Variants in SPOCK1 observed in about 807,000 individuals in gnomAD.
The protein encoded by SPOCK1 is SPARC (osteonectin), cwcv and kazal like domains proteoglycan 1, also known as testican-1.
A neutral mutation model predicts 55.3 loss-of-function variants in SPOCK1; 23 were observed. The ratio of observed to expected loss-of-function variants is 0.42; its 90% CI spans 0.30 to 0.59. The LOEUF is 0.59. Ranked by LOEUF, SPOCK1 falls within the 20% of genes least tolerant of loss-of-function variation. SPOCK1 has a pLI of 0.22. For missense variants in SPOCK1, 499 were observed against 552.5 expected (o/e 0.90, Z 0.97); for synonymous variants, 226 against 221.0 (o/e 1.02, Z -0.20).
At chr5:137,056,771 C>G (rs1344015016) in intron 6 of SPOCK1, among the ~76,000 whole-genome samples, 1 of 151,986 alleles carries the variant, frequency 6.6e-6, no homozygotes, top group African/African-American at 2.4e-5. Flanking sequence ...AAGCTTGGAC[C>G]AAACATAGTA....
chr5:137,112,070 G>A (rs1181497634), intron 5 of SPOCK1, among the ~76,000 whole-genome samples: 2 of 152,060 alleles, frequency 1.3e-5, no homozygotes, highest in African/African-American at 2.4e-5. Context: ...GCACAAGGCA[G>A]CATCACGACC....
At chr5:137,322,213 G>C (rs1349603796) in intron 2 of SPOCK1, among the ~76,000 whole-genome samples, 1 of 151,846 alleles carries the variant, frequency 6.6e-6, no homozygotes. Flanking sequence ...AAAACCTGTA[G>C]TCCCAGCTAC....
intron 2 of SPOCK1, among the ~76,000 whole-genome samples, chr5:137,454,166 T>C (rs1041681221): frequency 6.6e-6 from 1 of 152,178 alleles, no homozygotes; most frequent in Non-Finnish European, 1.5e-5. Flanking sequence ...TCTGTTAGTG[T>C]AGCCCAGCTC....
chr5:137,371,493 T>G (rs1051068271), intron 2 of SPOCK1, among the ~76,000 whole-genome samples: 1 of 152,190 alleles, frequency 6.6e-6, no homozygotes, highest in African/African-American at 2.4e-5. Context: ...CTCTGGGGAT[T>G]CTACAAAGCA....
intron 3 of SPOCK1, among the ~76,000 whole-genome samples, chr5:137,240,546 A>G (rs993619116): frequency 6.6e-6 from 1 of 152,184 alleles, no homozygotes; most frequent in Non-Finnish European, 1.5e-5. Flanking sequence ...TGCCACCTCC[A>G]ACACTGAGGA....
At chr5:137,419,259 G>C (rs542805393) in intron 2 of SPOCK1, among the ~76,000 whole-genome samples, 1 of 152,232 alleles carries the variant, frequency 6.6e-6, no homozygotes, top group East Asian at 1.9e-4. Flanking sequence ...TGTTCTTTTG[G>C]CTTAGGATTG....
At chr5:137,217,593 C>T (rs1190043210) in intron 3 of SPOCK1, among the ~76,000 whole-genome samples, 4 of 152,312 alleles carry the variant, frequency 2.6e-5, no homozygotes, top group South Asian at 2.1e-4. Context: ...ATCCAAATGT[C>T]GGTATCACAC....
rs190560240 is a variant in SPOCK1, at chr5:137,155,125, T to C, written c.233-14431A>G. On this transcript the variant is annotated intron_variant, in intron 3 of 10. Coordinates refer to ENST00000394945, the MANE Select transcript of SPOCK1 (RefSeq NM_004598.4). ...TTGATCTTTGCAAGTCCTCGGTAAG[T>C]GTTAGTTTCAACTCTTTCCCACATG... Among the ~76,000 whole-genome samples the C allele has an allele frequency of 3.4e-3, 521 of 152,294 alleles. 2 individuals are homozygous for C. The highest frequency in any genetic ancestry group is 7.5e-3 in the African/African-American group (311 of 41,570).
At chr5:137,276,704 T>C (rs972304023) in intron 2 of SPOCK1, among the ~76,000 whole-genome samples, 1 of 152,144 alleles carries the variant, frequency 6.6e-6, no homozygotes, top group Non-Finnish European at 1.5e-5. Flanking sequence ...GAAGGTGAAA[T>C]AGATAACTCC....
Position 136,992,566 on chromosome 5 carries a change from G to C in SPOCK1, c.624C>G (p.Ser208=). 6.2e-7 allele frequency: 1 copy of C among 1,613,882 alleles called. No homozygotes were observed. Among genetic ancestry groups the C allele is most frequent in the Non-Finnish European group, 8.5e-7 (1 of 1,179,872 alleles). The part of the protein sequence containing the change: ...CTDKELRNLA[S]RLKDWFGALH... ...GAGCTCCAAACCAATCCTTCAGCCG[G>C]GAGGCAAGGTTCCGCAACTCCTTGT... is the stretch of plus-strand genomic sequence containing the variant. The change falls in exon 7 of 11, where the codon TCC becomes TCG. Residue 208 remains serine (S), a synonymous_variant. Transcript: ENST00000394945.
chr5:137,117,261 G>A (rs748261319), intron 4 of SPOCK1, among the ~76,000 whole-genome samples: 2 of 152,176 alleles, frequency 1.3e-5, no homozygotes, highest in Non-Finnish European at 2.9e-5. Flanking sequence ...CTATAGGACT[G>A]GACAATTATT....
At chr5:137,447,176 T>C (rs1753146790) in intron 2 of SPOCK1, among the ~76,000 whole-genome samples, 1 of 152,244 alleles carries the variant, frequency 6.6e-6, no homozygotes, top group African/African-American at 2.4e-5. Flanking sequence ...ATGTCTGTTT[T>C]GAACAACAGG....
intron 6 of SPOCK1, among the ~76,000 whole-genome samples, chr5:137,012,004 T>C (rs1446020075): frequency 6.6e-6 from 1 of 152,204 alleles, no homozygotes; most frequent in East Asian, 1.9e-4. Flanking sequence ...CCTTCATTTA[T>C]TTCTTTTTTC....
At chr5:137,223,337 A>G (rs990929378) in intron 3 of SPOCK1, among the ~76,000 whole-genome samples, 3 of 152,170 alleles carry the variant, frequency 2.0e-5, no homozygotes, top group African/African-American at 4.8e-5. Flanking sequence ...AAGCATGACA[A>G]TGAAACAACA....
chr5:137,159,886 A>AT (rs1328028385), intron 3 of SPOCK1, among the ~76,000 whole-genome samples: 1 of 151,978 alleles, frequency 6.6e-6, no homozygotes, highest in African/African-American at 2.4e-5. Context: ...TTTTACTTTA[A>AT]TTTTTTTGCC....
intron 2 of SPOCK1, among the ~76,000 whole-genome samples, chr5:137,428,463 T>C (rs554048675): frequency 6.6e-6 from 1 of 152,274 alleles, no homozygotes; most frequent in Admixed American, 6.5e-5. Flanking sequence ...CCACCGACTC[T>C]TCCTGGAGTT....
chr5:137,061,313 G>A (rs1229809294), intron 6 of SPOCK1, among the ~76,000 whole-genome samples: 4 of 152,230 alleles, frequency 2.6e-5, no homozygotes, highest in African/African-American at 7.2e-5. Flanking sequence ...ACCGCCTCCT[G>A]TTCCCTTTTA....
At chr5:137,067,584 G>T in intron 6 of SPOCK1, 131 bp downstream of exon 6, 2 of 687,322 alleles carry the variant, frequency 2.9e-6, no homozygotes, top group East Asian at 2.7e-5. Context: ...CCCTAAATCT[G>T]GAGTACTTAC....
intron 8 of SPOCK1, among the ~76,000 whole-genome samples, chr5:136,986,586 C>T (rs767269962): frequency 7.9e-5 from 12 of 151,884 alleles, no homozygotes; most frequent in Non-Finnish European, 1.5e-4. Context: ...ATTGCACACC[C>T]GAAAAATCTA....
Sources: gnomAD v4.1 joint callset for allele counts (sites outside exome capture counted in the v4.1 genomes callset) on GRCh38, gnomAD v4.1.1 for gene constraint, MANE v1.5 for transcripts, NCBI Gene and HGNC (gene_info 2026-07-23, HGNC 2026-07-21) for gene names.